Variants in MOB3B observed in about 807,000 individuals in gnomAD.
MOB3B encodes the protein MOB kinase activator-like 2B.
In MOB3B, 7 loss-of-function variants were observed where a neutral mutation model predicts 18.7. The ratio of observed to expected loss-of-function variants is 0.37; its 90% CI spans 0.21 to 0.70. The LOEUF (loss-of-function observed/expected upper bound fraction) is 0.70. Ranked by LOEUF, MOB3B falls within the 30% of genes least tolerant of loss-of-function variation. The pLI is 0.52. For missense variants in MOB3B, 253 were observed against 281.3 expected (o/e 0.90, Z 0.72); for synonymous variants, 111 against 99.9 (o/e 1.11, Z -0.66).
intron 3 of MOB3B, among the ~76,000 whole-genome samples, chr9:27,335,559 G>C (rs1302524901): frequency 6.6e-6 from 1 of 152,182 alleles, no homozygotes; most frequent in African/African-American, 2.4e-5. Flanking sequence ...AGTCTCCACT[G>C]TAACATACGA....
chr9:27,371,813 G>T (rs1303666024), intron 2 of MOB3B, among the ~76,000 whole-genome samples: 1 of 151,576 alleles, frequency 6.6e-6, no homozygotes, highest in East Asian at 1.9e-4. Context: ...CAGACCTTCT[G>T]TTTTTTTTCA....
rs187060585 is a variant in MOB3B, at chr9:27,377,535, A to G, written c.419-18299T>C. Among the ~76,000 whole-genome samples the G allele has an allele frequency of 1.6e-3, 242 of 152,250 alleles. 3 individuals carry two copies. The highest frequency in any genetic ancestry group is 5.4e-3 in the African/African-American group (224 of 41,550). On this transcript the variant is annotated intron_variant, in intron 2 of 3. Transcript: ENST00000262244. ...TTCTCAAACGGGAGCCCTGAGAAGC[A>G]CCTGGAGTGCTCACTGAACACAGAC...
intron 2 of MOB3B, among the ~76,000 whole-genome samples, chr9:27,377,523 G>A (rs1407225771): frequency 6.6e-6 from 1 of 152,188 alleles, no homozygotes; most frequent in Admixed American, 6.5e-5. Context: ...TCAAACGGGA[G>A]CCCTGAGAAG....
chr9:27,421,844 T>A (rs1400018178), intron 2 of MOB3B: 1 of 152,270 alleles, frequency 6.6e-6, no homozygotes, highest in Non-Finnish European at 1.5e-5. Context: ...TCCAGTAGCT[T>A]TCTTTTCTGC....
intron 1 of MOB3B, among the ~76,000 whole-genome samples, chr9:27,486,095 G>A (rs1179520299): frequency 6.6e-6 from 1 of 152,178 alleles, no homozygotes; most frequent in Non-Finnish European, 1.5e-5. Flanking sequence ...AAATTGTGCT[G>A]TGTGCCAAGA....
intron 3 of MOB3B, among the ~76,000 whole-genome samples, chr9:27,343,338 G>A (rs865940718): frequency 4.8e-4 from 73 of 151,384 alleles, no homozygotes; most frequent in Middle Eastern, 3.4e-3. Flanking sequence ...CAAACACTGC[G>A]GAAGGCCGCG....
chr9:27,409,267 C>T (rs912083641), intron 2 of MOB3B, among the ~76,000 whole-genome samples: 1 of 152,202 alleles, frequency 6.6e-6, no homozygotes. Context: ...TGACTTCCTT[C>T]TGGTGTTTAA....
At chr9:27,468,735 T>C (rs1819425964) in intron 1 of MOB3B, among the ~76,000 whole-genome samples, 1 of 152,216 alleles carries the variant, frequency 6.6e-6, no homozygotes, top group Non-Finnish European at 1.5e-5. Context: ...TGTATCTAAA[T>C]GATTGTTAAT....
rs1822852884 is a variant in MOB3B, at chr9:27,455,285, A to G, written c.266T>C (p.Val89Ala). The G allele has an allele frequency of 6.2e-7, 1 of 1,614,054 alleles. No homozygotes were observed. Among genetic ancestry groups the G allele is most frequent in the Non-Finnish European group, 8.5e-7 (1 of 1,180,002 alleles). ...CEFCTERTCP[V>A]MSGGPKYEYR... ...CTCATATTTGGGGCCCCCTGACATC[A>G]CAGGACAGGTCCGCTCGGTGCAGAA... The change falls in exon 2 of 4, where the codon GTG becomes GCG. Residue 89 changes from valine (V) to alanine (A), a missense_variant. Physicochemically the swap from Val to Ala is moderately conservative, Grantham distance 64. Transcript: ENST00000262244.
At chr9:27,431,564 C>T (rs996096705) in intron 2 of MOB3B, among the ~76,000 whole-genome samples, 1 of 152,168 alleles carries the variant, frequency 6.6e-6, no homozygotes, top group African/African-American at 2.4e-5. Flanking sequence ...ACATGAGGAC[C>T]AGTGATGTAA....
intron 1 of MOB3B, 150 bp downstream of exon 1, chr9:27,529,405 G>C: frequency 3.0e-6 from 1 of 333,494 alleles, no homozygotes; most frequent in South Asian, 1.2e-4. Context: ...CCCGTGGCCG[G>C]CGGGCAGAAG....
In MOB3B at chr9:27,444,780, A is replaced by T. The variant is rs758755356; in HGVS notation, c.418+10353T>A. On this transcript the variant is annotated intron_variant, in intron 2 of 3. Coordinates refer to ENST00000262244, the MANE Select transcript of MOB3B (RefSeq NM_024761.5). ...TTCCTCATTTGAAAATAGGGATAAT[A>T]ATAATGATGGTTAACCAGGACTGCT... 1.1e-3 allele frequency among the ~76,000 whole-genome samples: 165 copies of T among 152,228 alleles called. 2 individuals are homozygous for T. Among genetic ancestry groups the T allele is most frequent in the Non-Finnish European group, 2.6e-4 (18 of 68,040 alleles).
At chr9:27,408,828 C>A (rs752436547) in intron 2 of MOB3B, among the ~76,000 whole-genome samples, 2 of 152,310 alleles carry the variant, frequency 1.3e-5, no homozygotes, top group South Asian at 4.1e-4. Context: ...TGCTACAAAG[C>A]TCTGGCTTAG....
At chr9:27,469,262 C>G (rs904881612) in intron 1 of MOB3B, among the ~76,000 whole-genome samples, 1 of 152,080 alleles carries the variant, frequency 6.6e-6, no homozygotes, top group South Asian at 2.1e-4. Flanking sequence ...GTCACAGTGC[C>G]TGGCTGGGAA....
At position 27,328,063 on chromosome 9, in the gene MOB3B, TA is replaced by T. The variant is rs60758983; in HGVS notation, c.*2523del. ...TAAAATAGGGAGAGACCCCTTCTCTTAAAAAAAAAAAAGGAAGAAAAGAAAA... is the reference window on the plus strand; with the variant it reads ...TAAAATAGGGAGAGACCCCTTCTCTTAAAAAAAAAAAGGAAGAAAAGAAAA... On this transcript the variant is annotated 3_prime_UTR_variant, in exon 4 of 4. Coordinates refer to ENST00000262244, the MANE Select transcript of MOB3B (RefSeq NM_024761.5). The T allele has an allele frequency of 3.3e-3, 463 of 141,978 alleles. No individual in the cohort carries two copies. Among genetic ancestry groups the T allele is most frequent in the Middle Eastern group, 3.7e-3 (1 of 272 alleles). The allele number at this position is 141,978 out of a possible 1,614,324, so 8.8% of individuals were successfully genotyped here.
chr9:27,454,945 A>G (rs995273914), intron 2 of MOB3B, among the ~76,000 whole-genome samples, 188 bp downstream of exon 2: 1 of 152,188 alleles, frequency 6.6e-6, no homozygotes, highest in African/African-American at 2.4e-5. Context: ...GAGTCCACAA[A>G]ATAAATGTAA....
At chr9:27,372,038 G>A (rs915184095) in intron 2 of MOB3B, among the ~76,000 whole-genome samples, 5 of 152,130 alleles carry the variant, frequency 3.3e-5, no homozygotes, top group Admixed American at 2.0e-4. Context: ...AAACACTCTC[G>A]TAGCACTGAG....
intron 1 of MOB3B, among the ~76,000 whole-genome samples, chr9:27,460,238 A>T (rs1481872774): frequency 6.6e-6 from 1 of 152,250 alleles, no homozygotes; most frequent in Non-Finnish European, 1.5e-5. Flanking sequence ...AAACAGGACA[A>T]TAAAGGGTGA....
At chr9:27,359,629 C>A (rs1821245289) in intron 2 of MOB3B, among the ~76,000 whole-genome samples, 1 of 152,166 alleles carries the variant, frequency 6.6e-6, no homozygotes, top group Non-Finnish European at 1.5e-5. Flanking sequence ...ATAAGTTACA[C>A]TGGGCCTGCA....
Sources: allele counts gnomAD v4.1 joint callset (sites outside exome capture counted in the v4.1 genomes callset), GRCh38; gene constraint gnomAD v4.1.1; transcripts MANE v1.5; gene names NCBI Gene and HGNC (gene_info 2026-07-23, HGNC 2026-07-21).